Variants in PHB1 observed in about 807,000 individuals in gnomAD.
PHB1 encodes the protein epididymis luminal protein 215.
chr17:49,404,989 C>T, the PHB1 span: 7 of 1,549,972 alleles, frequency 4.5e-6, no homozygotes, highest in South Asian at 1.2e-5. Context: ...GCAGGGTGGG[C>T]CCTCACTGGG....
the PHB1 span, chr17:49,409,476 T>C: frequency 6.2e-7 from 1 of 1,612,712 alleles, no homozygotes. Flanking sequence ...CTGTAAATCT[T>C]AGGGTAGGGG....
chr17:49,408,869 C>G, the PHB1 span: 1 of 579,288 alleles, frequency 1.7e-6, no homozygotes, highest in Non-Finnish European at 3.1e-6. Context: ...TAAAAGAACC[C>G]TCAACTGAAA....
the PHB1 span, among the ~76,000 whole-genome samples, chr17:49,410,958 C>T: frequency 1.3e-5 from 2 of 152,152 alleles, no homozygotes; most frequent in Admixed American, 1.3e-4. Flanking sequence ...CAATTCAGGC[C>T]TGCCTGGAGC....
the PHB1 span, chr17:49,408,981 G>T: frequency 9.7e-7 from 1 of 1,027,186 alleles, no homozygotes; most frequent in Non-Finnish European, 1.5e-6. Context: ...CAGAAATGGA[G>T]CCAGGCACCT....
chr17:49,411,952 TTCTC>T, the PHB1 span: 27 of 939,076 alleles, frequency 2.9e-5, no homozygotes, highest in African/African-American at 6.6e-5. Context: ...GTCTCCCCTC[TTCTC>T]TCTGTCTTCC....
the PHB1 span, chr17:49,413,351 C>A: frequency 1.1e-6 from 1 of 878,338 alleles, no homozygotes; most frequent in Non-Finnish European, 1.8e-6. Context: ...AGAAGGCCCT[C>A]TCTGACACAC....
At chr17:49,409,068 C>A in the PHB1 span, 3 of 1,610,264 alleles carry the variant, frequency 1.9e-6, no homozygotes, top group Admixed American at 1.7e-5. Context: ...AGGATGAGCC[C>A]AAAGGTGGCG....
the PHB1 span, chr17:49,405,238 C>T: frequency 4.4e-6 from 7 of 1,574,270 alleles, no homozygotes. Context: ...AAGATCAAAC[C>T]TCAGGGCACC....
chr17:49,406,929 G>A, the PHB1 span: 136 of 1,034,714 alleles, frequency 1.3e-4, 2 homozygotes, highest in East Asian at 1.1e-3. Context: ...CTCCATGGCC[G>A]CTGGAAGAAG....
At chr17:49,409,543 G>GTTTTTTTTTTTTT in the PHB1 span, 1 of 837,996 alleles carries the variant, frequency 1.2e-6, no homozygotes, top group Non-Finnish European at 1.7e-6. Flanking sequence ...TTTTTTTTTT[G>GTTTTTTTTTTTTT]TTTTTTTTTT....
the PHB1 span, chr17:49,405,318 G>T: frequency 1.2e-6 from 1 of 834,442 alleles, no homozygotes; most frequent in South Asian, 1.7e-5. Flanking sequence ...GGAACTCGGG[G>T]AGTTTACTTC....
chr17:49,413,368 C>T, the PHB1 span: 7 of 762,514 alleles, frequency 9.2e-6, no homozygotes, highest in Admixed American at 6.2e-5. Context: ...ACACAACAGT[C>T]ACTTTTCAAC....
chr17:49,411,291 C>T, the PHB1 span, among the ~76,000 whole-genome samples: 1 of 151,866 alleles, frequency 6.6e-6, no homozygotes, highest in East Asian at 1.9e-4. Context: ...ACCTCCGCCC[C>T]CCAGGCTCAA....
At chr17:49,407,072 C>T in the PHB1 span, 1 of 567,436 alleles carries the variant, frequency 1.8e-6, no homozygotes, top group African/African-American at 1.9e-5. Flanking sequence ...ATTACTCTGT[C>T]ACTCTCAGTA....
the PHB1 span, chr17:49,404,684 C>G: frequency 2.4e-6 from 1 of 420,796 alleles, no homozygotes; most frequent in East Asian, 5.3e-5. Flanking sequence ...CTGCGTGCTG[C>G]CAAATGCTGG....
At chr17:49,408,830 T>A in the PHB1 span, 1 of 538,964 alleles carries the variant, frequency 1.9e-6, no homozygotes, top group African/African-American at 1.9e-5. Flanking sequence ...CCAGAGGTCA[T>A]AAGAAAAATG....
the PHB1 span, among the ~76,000 whole-genome samples, chr17:49,407,888 T>C: frequency 6.6e-6 from 1 of 152,186 alleles, no homozygotes; most frequent in African/African-American, 2.4e-5. Context: ...TCCTGAGACA[T>C]GAAAAATGAA....
chr17:49,410,079 C>T, the PHB1 span, among the ~76,000 whole-genome samples: 12 of 151,322 alleles, frequency 7.9e-5, no homozygotes, highest in South Asian at 2.1e-4. Context: ...GCTGGGGTTT[C>T]GCCATATTTC....
the PHB1 span, chr17:49,409,458 T>C: frequency 1.9e-6 from 3 of 1,613,906 alleles, no homozygotes; most frequent in East Asian, 2.2e-5. Context: ...CAGTGTGATG[T>C]TGACATTCTG....
Sources: allele counts gnomAD v4.1 joint callset (sites outside exome capture counted in the v4.1 genomes callset), GRCh38; gene constraint gnomAD v4.1.1; transcripts MANE v1.5; gene names NCBI Gene and HGNC (gene_info 2026-07-23, HGNC 2026-07-21).